OSBPL8: variants seen among roughly 807,000 people sequenced by gnomAD.
OSBPL8 encodes the protein oxysterol-binding protein-related protein 8.
In OSBPL8, 59 loss-of-function variants were observed where a neutral mutation model predicts 125.5. That is an observed-to-expected ratio of 0.47 (90% confidence interval 0.38 to 0.58). The LOEUF (loss-of-function observed/expected upper bound fraction) is 0.58, where lower values mean the gene tolerates loss of function less well. Ranked by LOEUF, OSBPL8 falls within the 20% of genes least tolerant of loss-of-function variation. The pLI, the probability that OSBPL8 is intolerant of heterozygous loss-of-function variation, is 0.00. For missense variants in OSBPL8, 758 were observed against 1,047.8 expected, an observed-to-expected ratio of 0.72 and a Z score of 3.82; for synonymous variants, 330 against 338.9, an observed-to-expected ratio of 0.97 and a Z score of 0.29.
At chr12:76,451,359 G>A (rs968455914) in intron 3 of OSBPL8, among the ~76,000 whole-genome samples, 2 of 150,766 alleles carry the variant, frequency 1.3e-5, no homozygotes, top group African/African-American at 4.9e-5. Context: ...AATACAAATC[G>A]TCGATAAACA....
intron 4 of OSBPL8, among the ~76,000 whole-genome samples, chr12:76,439,424 T>C (rs1375617045): frequency 1.3e-5 from 2 of 151,772 alleles, no homozygotes; most frequent in Admixed American, 6.6e-5. Flanking sequence ...CTCAGAATGA[T>C]TTAAAAAAAC....
In OSBPL8 at chr12:76,410,558, G is replaced by A; in HGVS notation, c.288+6C>T. The A allele has an allele frequency of 6.3e-7, 1 of 1,580,676 alleles. No homozygotes were observed. The highest frequency in any genetic ancestry group is 8.7e-7 in the Non-Finnish European group (1 of 1,152,188). On this transcript the variant is annotated splice_donor_region_variant and intron_variant, in intron 5 of 23. Transcript: ENST00000261183. The stretch of plus-strand genomic sequence containing the variant: ...CATAATCATGTATTTGCTTATATAT[G>A]CTTACCTTGCTCTTTGACATAGAAA...
At chr12:76,473,897 T>A (rs992151978) in intron 2 of OSBPL8, among the ~76,000 whole-genome samples, 1 of 152,212 alleles carries the variant, frequency 6.6e-6, no homozygotes, top group Non-Finnish European at 1.5e-5. Flanking sequence ...ATTCTATCTA[T>A]CTCATAGGGT....
At chr12:76,447,580 A>C (rs1045596494) in intron 4 of OSBPL8, among the ~76,000 whole-genome samples, 2 of 151,538 alleles carry the variant, frequency 1.3e-5, no homozygotes, top group Non-Finnish European at 2.9e-5. Flanking sequence ...TTTCACTCTT[A>C]TTGCCCAGGC....
chr12:76,413,218 G>A (rs538071076), intron 4 of OSBPL8, among the ~76,000 whole-genome samples: 2 of 152,128 alleles, frequency 1.3e-5, no homozygotes, highest in African/African-American at 4.8e-5. Context: ...TCAAGAAATA[G>A]AGAATTGCTA....
chr12:76,429,613 A>G (rs1870571313), intron 4 of OSBPL8, among the ~76,000 whole-genome samples: 1 of 152,142 alleles, frequency 6.6e-6, no homozygotes, highest in African/African-American at 2.4e-5. Context: ...CTCATAATTA[A>G]ATAATTTTAT....
intron 1 of OSBPL8, among the ~76,000 whole-genome samples, chr12:76,553,066 C>T (rs1243019703): frequency 6.6e-6 from 1 of 152,178 alleles, no homozygotes; most frequent in Non-Finnish European, 1.5e-5. Context: ...CTACTCTCCA[C>T]TTGAACAATG....
At position 76,389,847 on chromosome 12, in the gene OSBPL8, A is replaced by C. The variant is rs770889842; in HGVS notation, c.1168-18T>G. On this transcript the variant is annotated intron_variant, in intron 11 of 23. Coordinates refer to ENST00000261183, the MANE Select transcript of OSBPL8 (RefSeq NM_020841.5). ...TCACCTGCCTTTATCAATTAATGAA[A>C]ATTACCAAAACATTATATTTATTTC... 1.0e-5 allele frequency: 15 copies of C among 1,460,368 alleles called. No homozygotes were observed. The African/African-American group carries it at 2.1e-4, about 21-fold the overall frequency. 90.5% of individuals were successfully genotyped at this position (1,460,368 alleles called of 1,614,324 possible).
chr12:76,447,304 T>C (rs1872819362), intron 4 of OSBPL8, among the ~76,000 whole-genome samples: 1 of 152,182 alleles, frequency 6.6e-6, no homozygotes, highest in Non-Finnish European at 1.5e-5. Flanking sequence ...CAATCTTGTA[T>C]CACTAGCAGC....
chr12:76,533,356 C>T (rs2137359627), intron 1 of OSBPL8, among the ~76,000 whole-genome samples: 1 of 152,176 alleles, frequency 6.6e-6, no homozygotes, highest in South Asian at 2.1e-4. Flanking sequence ...CATTTGGATC[C>T]TACTACTCAA....
rs374153012 is a variant in OSBPL8, at chr12:76,369,825, A to G, written c.2055-3T>C. ...CTCGAGTTACCCGTTGCCAGAGTCT[A>G]ATACATGTGCGAAAATATTAAAAGT... On this transcript the variant is annotated splice_region_variant and splice_polypyrimidine_tract_variant and intron_variant, in intron 19 of 23. Coordinates refer to ENST00000261183, the MANE Select transcript of OSBPL8 (RefSeq NM_020841.5). The G allele has an allele frequency of 3.8e-6, 6 of 1,599,954 alleles. No homozygotes were observed. The highest frequency in any genetic ancestry group is 1.1e-5 in the South Asian group (1 of 88,500).
chr12:76,475,996 C>A (rs779312689), intron 2 of OSBPL8, among the ~76,000 whole-genome samples: 1 of 152,166 alleles, frequency 6.6e-6, no homozygotes, highest in Admixed American at 6.5e-5. Flanking sequence ...CCGTCCACTG[C>A]GCTTTCTCTC....
Position 76,450,852 on chromosome 12 carries a change from C to A in OSBPL8, c.216G>T (p.Gln72His), listed in dbSNP as rs753597490. The change falls in exon 4 of 24, where the codon CAG becomes CAT. Residue 72 changes from glutamine (Q) to histidine (H), a missense_variant and splice_region_variant. By Grantham distance (24) the Gln-to-His change is conservative. Around this residue, in one of 3 missense-constraint regions of OSBPL8, gnomAD observed 117 missense variants for 137.1 expected, o/e 0.85. Coordinates refer to ENST00000261183, the MANE Select transcript of OSBPL8 (RefSeq NM_020841.5). ...PSLSPASPHS[Q>H]GFERGKEDIS... ...AACATGAAAACCACAACTTCCTACC[C>A]TGGCTATGAGGACTTGCTGGACTAA... 1 of 1,606,732 alleles carries A rather than the reference C, an allele frequency of 6.2e-7. No homozygotes were observed. The highest frequency in any genetic ancestry group is 2.3e-5 in the East Asian group (1 of 44,338).
intron 2 of OSBPL8, among the ~76,000 whole-genome samples, chr12:76,481,623 C>T (rs901644830): frequency 1.3e-5 from 2 of 152,062 alleles, no homozygotes; most frequent in East Asian, 3.8e-4. Context: ...GAGCAAGACC[C>T]TGTCTCTGCC....
At chr12:76,373,631 G>A in intron 17 of OSBPL8, 198 bp from the exon 18 acceptor site, 5 of 469,894 alleles carry the variant, frequency 1.1e-5, no homozygotes, top group African/African-American at 2.0e-5. Context: ...GAAAAAAATA[G>A]GATAAAACAA....
chr12:76,460,379 T>C (rs766603423), intron 2 of OSBPL8, among the ~76,000 whole-genome samples: 1 of 152,082 alleles, frequency 6.6e-6, no homozygotes, highest in Non-Finnish European at 1.5e-5. Flanking sequence ...AGATTTAGTA[T>C]GTTTCTTCTA....
At chr12:76,413,266 C>T (rs1192103217) in intron 4 of OSBPL8, among the ~76,000 whole-genome samples, 1 of 152,120 alleles carries the variant, frequency 6.6e-6, no homozygotes, top group Non-Finnish European at 1.5e-5. Context: ...AATTCTTAAT[C>T]ACAATCCACC....
intron 4 of OSBPL8, among the ~76,000 whole-genome samples, chr12:76,417,895 T>TCTG (rs949253566): frequency 6.6e-6 from 1 of 152,290 alleles, no homozygotes; most frequent in Non-Finnish European, 1.5e-5. Flanking sequence ...TTCTTATGTA[T>TCTG]CTGGCCATCT....
At chr12:76,408,238 G>A (rs1016454713) in intron 5 of OSBPL8, among the ~76,000 whole-genome samples, 1 of 151,052 alleles carries the variant, frequency 6.6e-6, no homozygotes, top group African/African-American at 2.4e-5. Context: ...GAGGCGGGCA[G>A]ATTACAAGGT....
Sources: gnomAD v4.1 joint callset for allele counts (sites outside exome capture counted in the v4.1 genomes callset) on GRCh38, gnomAD v4.1.1 for gene constraint, gnomAD v4.1.1 regional missense constraint, MANE v1.5 for transcripts, NCBI Gene and HGNC (gene_info 2026-07-23, HGNC 2026-07-21) for gene names.